PTCHD4: variants seen among roughly 807,000 people sequenced by gnomAD.
The protein encoded by PTCHD4 is patched domain-containing protein 4.
PTCHD4 carries 33 observed loss-of-function variants against 58.1 expected under a neutral mutation model. The ratio of observed to expected loss-of-function variants is 0.57; its 90% CI spans 0.43 to 0.76. PTCHD4 has a LOEUF of 0.76. Among genes scored for constraint, PTCHD4 ranks in the 30% least tolerant of loss-of-function variants. The pLI, the probability that PTCHD4 is intolerant of heterozygous loss-of-function variation, is 0.00. For missense variants in PTCHD4, 1,058 were observed against 1,027.1 expected (o/e 1.03, Z -0.41); for synonymous variants, 478 against 409.6 (o/e 1.17, Z -2.02).
chr6:48,009,198 G>A, intron 3 of PTCHD4, 84 bp from the exon 4 acceptor site: 1 of 1,385,416 alleles, frequency 7.2e-7, no homozygotes, highest in Non-Finnish European at 9.6e-7. Context: ...GGAGCACAAG[G>A]AAGGCAGAGA....
At chr6:48,067,734 T>C (rs948713286) in intron 3 of PTCHD4, among the ~76,000 whole-genome samples, 3 of 151,998 alleles carry the variant, frequency 2.0e-5, no homozygotes, top group African/African-American at 7.2e-5. Flanking sequence ...TGTTGAGGAT[T>C]CCCCCTCCCC....
At chr6:47,884,184 T>G (rs1315978795) in intron 4 of PTCHD4, among the ~76,000 whole-genome samples, 1 of 152,140 alleles carries the variant, frequency 6.6e-6, no homozygotes, top group Non-Finnish European at 1.5e-5. Flanking sequence ...ATATAACTAA[T>G]TCAAAGAACT....
chr6:47,990,910 T>G (rs1228955433), intron 4 of PTCHD4, among the ~76,000 whole-genome samples: 1 of 152,194 alleles, frequency 6.6e-6, no homozygotes, highest in Non-Finnish European at 1.5e-5. Flanking sequence ...TAGCTACATA[T>G]TCTCTTTTAT....
intron 3 of PTCHD4, among the ~76,000 whole-genome samples, chr6:48,039,398 G>A (rs1000181713): frequency 6.6e-6 from 1 of 151,998 alleles, no homozygotes; most frequent in Non-Finnish European, 1.5e-5. Flanking sequence ...AGAAAATAAG[G>A]GAAAGAGATG....
At chr6:48,103,033 C>T (rs1400246058) in intron 1 of PTCHD4, among the ~76,000 whole-genome samples, 3 of 152,332 alleles carry the variant, frequency 2.0e-5, no homozygotes, top group African/African-American at 4.8e-5. Flanking sequence ...GGGGGCAGGG[C>T]ACAGACAAAC....
chr6:47,994,944 C>G (rs575219754), intron 4 of PTCHD4, among the ~76,000 whole-genome samples: 18 of 151,954 alleles, frequency 1.2e-4, no homozygotes, highest in Admixed American at 4.6e-4. Context: ...ATAACACAAC[C>G]AAAAAGAAAA....
At chr6:48,086,021 A>G (rs1434513334) in intron 1 of PTCHD4, among the ~76,000 whole-genome samples, 1 of 152,168 alleles carries the variant, frequency 6.6e-6, no homozygotes, top group African/African-American at 2.4e-5. Flanking sequence ...ACCTGTAACA[A>G]TAATTAAAAA....
At chr6:47,953,904 A>T (rs1048351447) in intron 4 of PTCHD4, among the ~76,000 whole-genome samples, 2 of 152,150 alleles carry the variant, frequency 1.3e-5, no homozygotes, top group Non-Finnish European at 2.9e-5. Context: ...TTCCCCTAAC[A>T]TTTCCTGTGG....
chr6:47,957,401 A>G (rs1938274140), intron 4 of PTCHD4, among the ~76,000 whole-genome samples: 1 of 150,438 alleles, frequency 6.6e-6, no homozygotes, highest in African/African-American at 2.4e-5. Flanking sequence ...CCATTCAGAA[A>G]TACTATTTGC....
intron 4 of PTCHD4, among the ~76,000 whole-genome samples, chr6:47,910,726 G>A (rs749773581): frequency 6.6e-6 from 1 of 150,900 alleles, no homozygotes; most frequent in African/African-American, 2.4e-5. Context: ...TCCAAGAGAC[G>A]TGTAGTCTCT....
intron 3 of PTCHD4, among the ~76,000 whole-genome samples, chr6:48,027,340 G>C (rs1763284913): frequency 1.3e-5 from 2 of 152,152 alleles, no homozygotes; most frequent in African/African-American, 4.8e-5. Flanking sequence ...GATTAACTTA[G>C]TATTATTGGT....
intron 1 of PTCHD4, among the ~76,000 whole-genome samples, chr6:48,073,200 G>A (rs867930761): frequency 6.6e-6 from 1 of 152,100 alleles, no homozygotes; most frequent in Non-Finnish European, 1.5e-5. Context: ...TGGTTCTTTA[G>A]TTCAAACAGA....
In PTCHD4 at chr6:48,071,182, T is replaced by C. The variant is rs1163425898; in HGVS notation, c.-969-1256A>G. 2.0e-5 allele frequency among the ~76,000 whole-genome samples: 3 copies of C among 152,306 alleles called. No homozygotes were observed. In the East Asian group the frequency reaches 5.8e-4, roughly 29 times the overall value. On this transcript the variant is annotated intron_variant, in intron 1 of 4. Coordinates refer to ENST00000339488, the MANE Select transcript of PTCHD4 (RefSeq NM_001384253.1). ...TCTCTTCTCACAACAAACAAATATG[T>C]CAGTGTTATTGTCTTTTTTCTTATT...
intron 1 of PTCHD4, among the ~76,000 whole-genome samples, chr6:48,097,723 G>A (rs1765503857): frequency 6.6e-6 from 1 of 152,122 alleles, no homozygotes; most frequent in Non-Finnish European, 1.5e-5. Context: ...GCCCTTATTA[G>A]GAAGCTATTA....
intron 4 of PTCHD4, among the ~76,000 whole-genome samples, chr6:47,924,449 G>T (rs1765531096): frequency 6.6e-6 from 1 of 152,086 alleles, no homozygotes; most frequent in Non-Finnish European, 1.5e-5. Flanking sequence ...AGGGTAAGTG[G>T]GTAAAGACCC....
chr6:48,031,238 T>A (rs1175698250), intron 3 of PTCHD4, among the ~76,000 whole-genome samples: 3 of 152,106 alleles, frequency 2.0e-5, no homozygotes, highest in Non-Finnish European at 2.9e-5. Flanking sequence ...TTAAACATCC[T>A]AGTTTGCCTT....
intron 4 of PTCHD4, among the ~76,000 whole-genome samples, chr6:47,989,178 G>C (rs1036950867): frequency 1.3e-5 from 2 of 152,176 alleles, no homozygotes; most frequent in Non-Finnish European, 2.9e-5. Flanking sequence ...CTTTGAGCTT[G>C]AGAAAGATGA....
chr6:47,910,552 A>T (rs1765037375), intron 4 of PTCHD4, among the ~76,000 whole-genome samples: 1 of 152,166 alleles, frequency 6.6e-6, no homozygotes, highest in Non-Finnish European at 1.5e-5. Context: ...AATAAAGAGA[A>T]TGTGTTAGAA....
Position 48,043,753 on chromosome 6 carries a change from A to T in PTCHD4, c.417+24477T>A, listed in dbSNP as rs185679081. ...TCAAAAATTAAAAACATGCTTCCAG[A>T]TGCCAAGTATTTATAAAAGTGAGGC... On this transcript the variant is annotated intron_variant, in intron 3 of 4. Coordinates refer to ENST00000339488, the MANE Select transcript of PTCHD4 (RefSeq NM_001384253.1). 1.5e-3 allele frequency among the ~76,000 whole-genome samples: 229 copies of T among 151,960 alleles called. 1 individual carries two copies. Among genetic ancestry groups the T allele is most frequent in the Admixed American group, 3.6e-3 (54 of 15,202 alleles).
Sources: gnomAD v4.1 joint callset for allele counts (sites outside exome capture counted in the v4.1 genomes callset) on GRCh38, gnomAD v4.1.1 for gene constraint, MANE v1.5 for transcripts, NCBI Gene and HGNC (gene_info 2026-07-23, HGNC 2026-07-21) for gene names.